The following MCC variants were observed in gnomAD, a reference collection of about 807,000 sequenced individuals.
MCC encodes the protein colorectal mutant cancer protein.
Under a neutral mutation model 116.2 loss-of-function variants are expected in MCC, and 90 were observed. That is an observed-to-expected ratio of 0.77 (90% confidence interval 0.65 to 0.92). MCC has a LOEUF of 0.92. MCC is among the 40% of genes least tolerant of loss of function. The pLI is 0.00. For missense variants in MCC, 1,516 were observed against 1,312.2 expected (o/e 1.16, Z -2.40); for synonymous variants, 578 against 510.5 (o/e 1.13, Z -1.78).
intron 3 of MCC, among the ~76,000 whole-genome samples, chr5:113,266,116 G>A (rs1765407422): frequency 6.6e-6 from 1 of 152,006 alleles, no homozygotes; most frequent in Non-Finnish European, 1.5e-5. Context: ...CAAATGCTAG[G>A]AAAAACTGTT....
At chr5:113,444,647 G>T (rs1771154336) in intron 1 of MCC, among the ~76,000 whole-genome samples, 2 of 152,112 alleles carry the variant, frequency 1.3e-5, no homozygotes, top group Admixed American at 6.5e-5. Flanking sequence ...GGTCTCAAAG[G>T]CCATCTATTT....
At chr5:113,213,712 G>C (rs568858261) in intron 3 of MCC, among the ~76,000 whole-genome samples, 7 of 152,270 alleles carry the variant, frequency 4.6e-5, no homozygotes, top group African/African-American at 1.7e-4. Context: ...TGTTTCTGAA[G>C]CTGCCTGCCT....
chr5:113,357,406 T>C (rs1413350712), intron 2 of MCC, among the ~76,000 whole-genome samples: 3 of 152,154 alleles, frequency 2.0e-5, no homozygotes, highest in African/African-American at 7.2e-5. Context: ...TTTTAAACAA[T>C]AGTTTTGTTA....
At chr5:113,398,864 C>A (rs1407222683) in intron 1 of MCC, among the ~76,000 whole-genome samples, 1 of 152,126 alleles carries the variant, frequency 6.6e-6, no homozygotes, top group Non-Finnish European at 1.5e-5. Context: ...AAACCTATTT[C>A]AATTTATTTT....
rs367697645 is a variant in MCC at position 113,340,538 on chromosome 5, T to C, written c.608A>G (p.Tyr203Cys). The stretch of plus-strand genomic sequence containing the variant: ...ACTCACTGTGTTGGCCAGCTCTAGA[T>C]AGCTTCCTCCTACAGAGTTGCCAAT... ...PHIGNSVGGS[Y>C]LELANTLHSA... The change falls in exon 3 of 19, where the codon TAT becomes TGT. Residue 203 changes from tyrosine (Y) to cysteine (C), a missense_variant. Tyr to Cys is a radical substitution (Grantham distance 194, BLOSUM62 -2). Transcript: ENST00000408903. The C allele has an allele frequency of 1.2e-5, 20 of 1,614,062 alleles. No homozygotes were observed. Among genetic ancestry groups the C allele is most frequent in the African/African-American group, 2.7e-5 (2 of 74,940 alleles).
intron 14 of MCC, among the ~76,000 whole-genome samples, chr5:113,057,812 C>A (rs545126168): frequency 6.6e-6 from 1 of 152,202 alleles, no homozygotes; most frequent in Non-Finnish European, 1.5e-5. Flanking sequence ...GTTCCACAGG[C>A]GAACGCGCGA....
At chr5:113,166,022 GC>G (rs1760749939) in intron 3 of MCC, among the ~76,000 whole-genome samples, 1 of 152,156 alleles carries the variant, frequency 6.6e-6, no homozygotes, top group African/African-American at 2.4e-5. Context: ...ATGAAGCCCA[GC>G]CTAATCATTA....
rs563321553 is a variant in MCC, at chr5:113,098,193, A to G, written c.1398+3546T>C. 4.6e-5 allele frequency among the ~76,000 whole-genome samples: 7 copies of G among 152,350 alleles called. No individual in the cohort carries two copies. The East Asian group carries it at 1.4e-3, about 29-fold the overall frequency. On this transcript the variant is annotated intron_variant, in intron 8 of 18. Coordinates refer to ENST00000408903, the MANE Select transcript of MCC (RefSeq NM_001085377.2). Reference sequence around the variant, plus strand: ...GGAAAGCGCTGATTATTTTTGCCACATCATGGCTGACTTAAACAATGTAGC... The same window carrying G: ...GGAAAGCGCTGATTATTTTTGCCACGTCATGGCTGACTTAAACAATGTAGC...
chr5:113,173,011 T>C (rs17135382), intron 3 of MCC, among the ~76,000 whole-genome samples: 22,437 of 152,158 alleles, frequency 0.15, 2,082 homozygotes, highest in African/African-American at 0.26. Context: ...CCTGTTTTGA[T>C]AGGATGATTT....
chr5:113,455,473 T>A (rs1342495999), intron 1 of MCC, among the ~76,000 whole-genome samples: 1 of 152,156 alleles, frequency 6.6e-6, no homozygotes, highest in Non-Finnish European at 1.5e-5. Context: ...CAGGGGTCTG[T>A]AACAACTAAC....
intron 3 of MCC, among the ~76,000 whole-genome samples, chr5:113,167,684 G>C (rs1173665004): frequency 1.3e-5 from 2 of 152,170 alleles, no homozygotes; most frequent in East Asian, 1.9e-4. Context: ...ACGCTGGAGT[G>C]CAGTGGCATC....
At chr5:113,110,543 A>G (rs1757028017) in intron 6 of MCC, among the ~76,000 whole-genome samples, 2 of 152,246 alleles carry the variant, frequency 1.3e-5, no homozygotes, top group African/African-American at 2.4e-5. Flanking sequence ...TGGATTTCAT[A>G]TGGTTTCTTC....
intron 11 of MCC, among the ~76,000 whole-genome samples, chr5:113,082,270 G>A (rs1754914073): frequency 6.6e-6 from 1 of 152,250 alleles, no homozygotes; most frequent in South Asian, 2.1e-4. Flanking sequence ...ATCCAAGACT[G>A]AGCACATTTG....
chr5:113,471,122 C>T lies in MCC; in HGVS notation c.170+17123G>A, dbSNP rs574758997. On this transcript the variant is annotated intron_variant, in intron 1 of 18. Transcript: ENST00000408903. ...GCTTTTAACTTCTTTGCCATTGGTT[C>T]GAATTTCCTCCTGTAACTCAGTCAT... Among the ~76,000 whole-genome samples the T allele has an allele frequency of 5.6e-4, 46 of 82,186 alleles. No homozygotes were observed. In the South Asian group the frequency reaches 5.8e-3, roughly 10 times the overall value. 53.9% of individuals were successfully genotyped at this position (82,186 alleles called of 152,430 possible).
chr5:113,090,358 G>GAA (rs11299345), intron 8 of MCC, among the ~76,000 whole-genome samples: 1 of 146,226 alleles, frequency 6.8e-6, no homozygotes, highest in Non-Finnish European at 1.5e-5. Context: ...GACCAAAAAA[G>GAA]AAAAAAAAAA....
At chr5:113,469,780 G>T (rs1772028022) in intron 1 of MCC, among the ~76,000 whole-genome samples, 1 of 152,044 alleles carries the variant, frequency 6.6e-6, no homozygotes, top group South Asian at 2.1e-4. Flanking sequence ...TTGACAGTGG[G>T]GTGTTAAAGT....
chr5:113,322,830 G>C (rs1412542834), intron 3 of MCC, among the ~76,000 whole-genome samples: 2 of 152,184 alleles, frequency 1.3e-5, no homozygotes, highest in African/African-American at 4.8e-5. Flanking sequence ...TCAAGATGAA[G>C]AACCAGCCTC....
intron 4 of MCC, among the ~76,000 whole-genome samples, chr5:113,147,955 G>A (rs2150289351): frequency 6.6e-6 from 1 of 152,330 alleles, no homozygotes; most frequent in East Asian, 1.9e-4. Context: ...AGAAAATTCA[G>A]GAGACTTGTT....
chr5:113,380,584 A>G (rs1433664945), intron 2 of MCC, among the ~76,000 whole-genome samples: 1 of 152,252 alleles, frequency 6.6e-6, no homozygotes, highest in Non-Finnish European at 1.5e-5. Context: ...GCTGGAGTAT[A>G]GCAGTAAACA....
Sources: gnomAD v4.1 joint callset for allele counts (sites outside exome capture counted in the v4.1 genomes callset) on GRCh38, gnomAD v4.1.1 for gene constraint, MANE v1.5 for transcripts, NCBI Gene and HGNC (gene_info 2026-07-23, HGNC 2026-07-21) for gene names.